Variants in GULP1 observed in about 807,000 individuals in gnomAD.
GULP1 encodes the protein PTB domain-containing engulfment adapter protein 1.
GULP1 carries 19 observed loss-of-function variants against 40.9 expected under a neutral mutation model. The ratio of observed to expected loss-of-function variants is 0.46; its 90% CI spans 0.32 to 0.68. The LOEUF is 0.68. Among genes scored for constraint, GULP1 ranks in the 30% least tolerant of loss-of-function variants. GULP1 has a pLI of 0.03. For missense variants in GULP1, 312 were observed against 362.2 expected, an observed-to-expected ratio of 0.86 and a Z score of 1.12; for synonymous variants, 119 against 117.6, an observed-to-expected ratio of 1.01 and a Z score of -0.08.
chr2:188,441,192 T>G (rs2057895270), intron 2 of GULP1, among the ~76,000 whole-genome samples: 1 of 152,218 alleles, frequency 6.6e-6, no homozygotes, highest in African/African-American at 2.4e-5. Flanking sequence ...GCCCTTATGT[T>G]TGATCCTCTC....
intron 2 of GULP1, among the ~76,000 whole-genome samples, chr2:188,414,046 A>G (rs540797667): frequency 5.4e-4 from 82 of 152,008 alleles, no homozygotes; most frequent in African/African-American, 2.0e-3. Context: ...GTGAAACCCC[A>G]TCTCTACTAA....
intron 7 of GULP1, among the ~76,000 whole-genome samples, chr2:188,542,338 T>G (rs1164959920): frequency 6.6e-6 from 1 of 152,158 alleles, no homozygotes; most frequent in Non-Finnish European, 1.5e-5. Context: ...AACAGATAGC[T>G]AATATTATTA....
At chr2:188,459,609 A>G (rs2059544350) in intron 2 of GULP1, among the ~76,000 whole-genome samples, 1 of 151,810 alleles carries the variant, frequency 6.6e-6, no homozygotes, top group Non-Finnish European at 1.5e-5. Context: ...TTTTTATCCC[A>G]TTGATTGTTT....
intron 11 of GULP1, 112 bp downstream of exon 11, chr2:188,588,061 A>G (rs962009193): frequency 4.1e-6 from 3 of 725,064 alleles, no homozygotes; most frequent in Non-Finnish European, 7.6e-6. Context: ...CGCTATAAAA[A>G]CTCGCTTAAA....
chr2:188,414,242 AG>A (rs1235657595), intron 2 of GULP1, among the ~76,000 whole-genome samples: 54 of 151,654 alleles, frequency 3.6e-4, no homozygotes, highest in Non-Finnish European at 5.7e-4. Flanking sequence ...AAAAAGAAAA[AG>A]AAGAGAAATG....
intron 1 of GULP1, among the ~76,000 whole-genome samples, chr2:188,318,006 G>A (rs988224536): frequency 6.6e-6 from 1 of 151,918 alleles, no homozygotes; most frequent in Admixed American, 6.6e-5. Context: ...GCTATTTATT[G>A]TAAATTGCCC....
At chr2:188,345,113 G>A (rs9288155) in intron 1 of GULP1, among the ~76,000 whole-genome samples, 139,473 of 152,166 alleles carry the variant, frequency 0.92, 64,047 homozygotes, top group East Asian at 1. Context: ...CTAACTAAGT[G>A]TGGTTTTGAA....
chr2:188,459,052 C>G (rs1018181063), intron 2 of GULP1, among the ~76,000 whole-genome samples: 1 of 152,138 alleles, frequency 6.6e-6, no homozygotes, highest in Non-Finnish European at 1.5e-5. Context: ...GAATAGTACT[C>G]CGTTGTGTAT....
rs1272183863 is a variant in GULP1, at chr2:188,399,178, C to G, written c.-45+15289C>G. Among the ~76,000 whole-genome samples the G allele has an allele frequency of 2.0e-5, 3 of 152,124 alleles. No individual in the cohort carries two copies. In the South Asian group the frequency reaches 6.2e-4, roughly 32 times the overall value. On this transcript the variant is annotated intron_variant, in intron 2 of 11. Transcript: ENST00000409830. The stretch of plus-strand genomic sequence containing the variant: ...AATGCATTTTGCTGAAAGGATATAA[C>G]TTAGCACATAAAATTTGAGGGTAAT...
intron 1 of GULP1, among the ~76,000 whole-genome samples, chr2:188,293,522 T>C (rs947640776): frequency 6.6e-6 from 1 of 152,204 alleles, no homozygotes; most frequent in Non-Finnish European, 1.5e-5. Flanking sequence ...ACAGAGTGAA[T>C]GTGAGGAAGT....
chr2:188,442,403 G>A (rs2058015352), intron 2 of GULP1, among the ~76,000 whole-genome samples: 1 of 152,022 alleles, frequency 6.6e-6, no homozygotes, highest in South Asian at 2.1e-4. Flanking sequence ...TGAAGAGAGG[G>A]AATTTAATAA....
At chr2:188,364,327 T>A (rs1238693134) in intron 1 of GULP1, among the ~76,000 whole-genome samples, 1 of 152,144 alleles carries the variant, frequency 6.6e-6, no homozygotes, top group African/African-American at 2.4e-5. Flanking sequence ...TGAAAGGAGG[T>A]CTGTGGAGAG....
intron 2 of GULP1, among the ~76,000 whole-genome samples, chr2:188,406,402 A>C (rs2053108049): frequency 6.6e-6 from 1 of 152,228 alleles, no homozygotes; most frequent in Admixed American, 6.5e-5. Context: ...TTTGATATGC[A>C]ACACATGACT....
At chr2:188,336,674 T>C (rs548521676) in intron 1 of GULP1, among the ~76,000 whole-genome samples, 1 of 152,252 alleles carries the variant, frequency 6.6e-6, no homozygotes, top group South Asian at 2.1e-4. Flanking sequence ...TAACATTTGG[T>C]ATCTGAGAAC....
At chr2:188,415,136 A>G (rs980096371) in intron 2 of GULP1, among the ~76,000 whole-genome samples, 2 of 152,184 alleles carry the variant, frequency 1.3e-5, no homozygotes, top group Non-Finnish European at 2.9e-5. Flanking sequence ...ATTCTTTACT[A>G]TAGATTAATA....
chr2:188,493,830 A>T (rs1410406284), intron 4 of GULP1, among the ~76,000 whole-genome samples: 1 of 152,030 alleles, frequency 6.6e-6, no homozygotes, highest in Non-Finnish European at 1.5e-5. Flanking sequence ...GGCTCATTTG[A>T]TAAACTCTCC....
At chr2:188,498,646 G>A (rs576510324) in intron 4 of GULP1, among the ~76,000 whole-genome samples, 1 of 151,692 alleles carries the variant, frequency 6.6e-6, no homozygotes, top group African/African-American at 2.4e-5. Context: ...ATTAAGAAAG[G>A]CATCAAATGT....
At chr2:188,502,997 T>C (rs2063572138) in intron 4 of GULP1, among the ~76,000 whole-genome samples, 1 of 151,840 alleles carries the variant, frequency 6.6e-6, no homozygotes, top group Non-Finnish European at 1.5e-5. Flanking sequence ...AAGGTCTAGC[T>C]AGTTCCTCAA....
intron 9 of GULP1, among the ~76,000 whole-genome samples, chr2:188,581,941 G>A (rs1701413481): frequency 6.6e-6 from 1 of 152,056 alleles, no homozygotes; most frequent in Non-Finnish European, 1.5e-5. Flanking sequence ...ATAACTTTAT[G>A]TACAAGAGTT....
Sources: allele counts gnomAD v4.1 joint callset (sites outside exome capture counted in the v4.1 genomes callset), GRCh38; gene constraint gnomAD v4.1.1; transcripts MANE v1.5; gene names NCBI Gene and HGNC (gene_info 2026-07-23, HGNC 2026-07-21).